The following ITGA2 variants were observed in gnomAD, a reference collection of about 807,000 sequenced individuals.
The protein encoded by ITGA2 is integrin subunit alpha 2, also known as integrin alpha-2.
ITGA2 carries 101 observed loss-of-function variants against 146.3 expected under a neutral mutation model. The observed-to-expected ratio is 0.69, with a 90% confidence interval of 0.59 to 0.81. ITGA2 has a LOEUF of 0.81. Among genes scored for constraint, ITGA2 ranks in the 40% least tolerant of loss-of-function variants. The pLI, the probability that ITGA2 is intolerant of heterozygous loss-of-function variation, is 0.00. For synonymous variants in ITGA2, 477 were observed against 487.1 expected, an observed-to-expected ratio of 0.98 and a Z score of 0.27; for missense variants, 1,281 against 1,402.7, an observed-to-expected ratio of 0.91 and a Z score of 1.39.
At chr5:53,068,865 CT>C (rs1300834763) in intron 16 of ITGA2, among the ~76,000 whole-genome samples, 1 of 150,880 alleles carries the variant, frequency 6.6e-6, no homozygotes, top group Non-Finnish European at 1.5e-5. Flanking sequence ...TTTTATAAAG[CT>C]GCTTGAAAAA....
intron 29 of ITGA2, 53 bp downstream of exon 29, chr5:53,090,115 A>AT (rs1179924282): frequency 9.4e-7 from 1 of 1,064,220 alleles, no homozygotes; most frequent in African/African-American, 1.6e-5. Context: ...CCAGCCTTGA[A>AT]TTTGCTTACA....
At chr5:53,083,528 TTGACAAAATAA>T in intron 27 of ITGA2, 75 bp downstream of exon 27, 1 of 941,912 alleles carries the variant, frequency 1.1e-6, no homozygotes, top group Non-Finnish European at 1.7e-6. Context: ...TTCTTCCCCT[TTGACAAAATAA>T]GTATTCTGGC....
chr5:52,993,548 G>T (rs996470980), intron 1 of ITGA2, among the ~76,000 whole-genome samples: 1 of 152,070 alleles, frequency 6.6e-6, no homozygotes, highest in Non-Finnish European at 1.5e-5. Flanking sequence ...AAGAGTTAGT[G>T]GCTGTGAGCG....
intron 9 of ITGA2, among the ~76,000 whole-genome samples, chr5:53,056,534 G>A (rs1348337010): frequency 1.3e-5 from 2 of 151,782 alleles, no homozygotes; most frequent in East Asian, 3.9e-4. Context: ...TGACTTTTGG[G>A]GGACAATGTA....
chr5:53,033,987 A>G (rs1043426748), intron 2 of ITGA2, among the ~76,000 whole-genome samples: 2 of 151,506 alleles, frequency 1.3e-5, no homozygotes, highest in Admixed American at 6.6e-5. Context: ...CTGATCTCGA[A>G]CTCCTGGCCT....
chr5:53,043,196 GTA>G (rs775778897), intron 3 of ITGA2, among the ~76,000 whole-genome samples: 79 of 148,058 alleles, frequency 5.3e-4, no homozygotes, highest in East Asian at 9.8e-4. Context: ...TGAACACTCA[GTA>G]TATATATATA....
chr5:53,071,437 C>A lies in ITGA2; in HGVS notation c.2236-501C>A, dbSNP rs561583878. On this transcript the variant is annotated intron_variant, in intron 17 of 29. Coordinates refer to ENST00000296585, the MANE Select transcript of ITGA2 (RefSeq NM_002203.4). ...GTTAAAGTACATCCTACTTGCTAAG[C>A]CCGCAGCCAGCCAAGGAAACATCTC... Among the ~76,000 whole-genome samples the A allele has an allele frequency of 3.0e-4, 45 of 151,852 alleles. 1 individual carries two copies. The South Asian group carries it at 5.8e-3, about 20-fold the overall frequency.
rs375669824 is a variant in ITGA2, at chr5:53,031,313, C to T, written c.185+4445C>T. Among the ~76,000 whole-genome samples the T allele has an allele frequency of 2.6e-5, 4 of 152,188 alleles. No homozygotes were observed. The East Asian group carries it at 7.7e-4, about 29-fold the overall frequency. ...TTATCATGTAATACATGCACACACA[C>T]ACAACTTTGTTTTCTTTATTCCCTT... On this transcript the variant is annotated intron_variant, in intron 2 of 29. Coordinates refer to ENST00000296585, the MANE Select transcript of ITGA2 (RefSeq NM_002203.4).
intron 1 of ITGA2, among the ~76,000 whole-genome samples, chr5:52,991,074 A>C (rs1015916199): frequency 6.6e-6 from 1 of 152,224 alleles, no homozygotes; most frequent in African/African-American, 2.4e-5. Context: ...GCTGCAAGGC[A>C]TGAAGTCAGG....
At chr5:53,025,531 C>T (rs10055193) in intron 1 of ITGA2, among the ~76,000 whole-genome samples, 1,570 of 152,278 alleles carry the variant, frequency 0.01, 25 homozygotes, top group African/African-American at 0.032. Flanking sequence ...TTAAAGTCCC[C>T]GTTGCTTCAT....
chr5:53,018,311 T>C (rs1188827059), intron 1 of ITGA2, among the ~76,000 whole-genome samples: 3 of 152,124 alleles, frequency 2.0e-5, no homozygotes, highest in Non-Finnish European at 2.9e-5. Flanking sequence ...TTGCCACCTC[T>C]CTAAGCAGCT....
Position 53,056,164 on chromosome 5 carries a change from CTCCTT to C in ITGA2, c.1096+18_1096+22del. ...CAGCATTGAAGGTAAAAAAAATAAC[CTCCTT>C]TCAAGAATTTTCTTCAAAATGTTTA... is the stretch of plus-strand genomic sequence containing the variant. On this transcript the variant is annotated intron_variant, in intron 9 of 29. Coordinates refer to ENST00000296585, the MANE Select transcript of ITGA2 (RefSeq NM_002203.4). 6.2e-7 allele frequency: 1 copy of C among 1,607,424 alleles called. No homozygotes were observed. Among genetic ancestry groups the C allele is most frequent in the Non-Finnish European group, 8.5e-7 (1 of 1,175,770 alleles).
At chr5:53,024,638 A>G (rs1388234545) in intron 1 of ITGA2, among the ~76,000 whole-genome samples, 2 of 152,174 alleles carry the variant, frequency 1.3e-5, no homozygotes, top group African/African-American at 4.8e-5. Context: ...GCCAAGGGAG[A>G]GCAGAGACCT....
At chr5:52,991,041 G>A (rs138795705) in intron 1 of ITGA2, among the ~76,000 whole-genome samples, 1 of 152,300 alleles carries the variant, frequency 6.6e-6, no homozygotes, top group Non-Finnish European at 1.5e-5. Context: ...AGAGCAGTGA[G>A]AAATTCTTTA....
intron 26 of ITGA2, among the ~76,000 whole-genome samples, chr5:53,082,037 A>G (rs541495333): frequency 2.6e-5 from 4 of 152,242 alleles, no homozygotes; most frequent in Non-Finnish European, 5.9e-5. Flanking sequence ...AACAAGGCAA[A>G]GAGCTGTGAA....
chr5:53,039,446 G>A (rs1019840050), intron 2 of ITGA2, among the ~76,000 whole-genome samples: 3 of 151,798 alleles, frequency 2.0e-5, no homozygotes, highest in Non-Finnish European at 4.4e-5. Flanking sequence ...CATTTACTTG[G>A]ACCAAACAAG....
intron 1 of ITGA2, among the ~76,000 whole-genome samples, chr5:53,016,896 A>T (rs1742424168): frequency 6.6e-6 from 1 of 152,078 alleles, no homozygotes; most frequent in Non-Finnish European, 1.5e-5. Context: ...TTGTGATTGT[A>T]TTATGAAATT....
At position 53,018,617 on chromosome 5, in the gene ITGA2, G is replaced by A. The variant is rs71633446; in HGVS notation, c.65-8131G>A. On this transcript the variant is annotated intron_variant, in intron 1 of 29. Transcript: ENST00000296585. ...GTTTCTCGGTCGGAGAGGTTTCTTC[G>A]GGCTGCCTCTAGTCAGCCATCTTGG... Among the ~76,000 whole-genome samples the A allele has an allele frequency of 5.3e-5, 8 of 152,158 alleles. No homozygotes were observed. The East Asian group carries it at 1.2e-3, about 22-fold the overall frequency.
rs775388980 is a variant in ITGA2 at position 53,070,255 on chromosome 5, A to G, written c.2230A>G (p.Ile744Val). The G allele has an allele frequency of 2.5e-6, 4 of 1,611,704 alleles. No individual in the cohort carries two copies. The South Asian group carries it at 3.3e-5, about 13-fold the overall frequency. Reference sequence around the variant, plus strand: ...GAGTTGCCCCGAGCACATCATTTATATACAGGTAAGGCCTCAGGAACATCC... The same window carrying G: ...GAGTTGCCCCGAGCACATCATTTATGTACAGGTAAGGCCTCAGGAACATCC... ...AQSCPEHIIY[I>V]QEPSDVVNSL... The change falls in exon 17 of 30, where the codon ATA (isoleucine) becomes GTA (valine). Residue 744 changes from isoleucine to valine, a missense_variant. By Grantham distance (29) the Ile-to-Val change is conservative (BLOSUM62 3). Coordinates refer to ENST00000296585, the MANE Select transcript of ITGA2 (RefSeq NM_002203.4).
Sources: gnomAD v4.1 joint callset for allele counts (sites outside exome capture counted in the v4.1 genomes callset) on GRCh38, gnomAD v4.1.1 for gene constraint, MANE v1.5 for transcripts, NCBI Gene and HGNC (gene_info 2026-07-23, HGNC 2026-07-21) for gene names.